P4HA3: variants seen among roughly 807,000 people sequenced by gnomAD.
P4HA3 encodes prolyl 4-hydroxylase subunit alpha-3.
In P4HA3, 60 loss-of-function variants were observed where a neutral mutation model predicts 66.7. The ratio of observed to expected loss-of-function variants is 0.90; its 90% CI spans 0.73 to 1.12. The LOEUF (loss-of-function observed/expected upper bound fraction) is 1.12. Among genes scored for constraint, P4HA3 ranks in the 50% most tolerant of loss-of-function variants. P4HA3 has a pLI of 0.00. For synonymous variants in P4HA3, 263 were observed against 274.6 expected (o/e 0.96, Z 0.42); for missense variants, 683 against 685.8 (o/e 1.00, Z 0.05).
chr11:74,250,661 C>A (rs1470996742), intron 15 of P4HA3: 1 of 312,668 alleles, frequency 3.2e-6, no homozygotes, highest in Non-Finnish European at 5.9e-6. Flanking sequence ...GTGTTTTACT[C>A]CCCTACTGGA....
chr11:74,293,437 C>T (rs1861104030), intron 4 of P4HA3, among the ~76,000 whole-genome samples: 1 of 152,126 alleles, frequency 6.6e-6, no homozygotes, highest in African/African-American at 2.4e-5. Context: ...GAGCATTTAG[C>T]CCATTTACAT....
At position 74,298,339 on chromosome 11, in the gene P4HA3, T is replaced by C; in HGVS notation, c.590A>G (p.Tyr197Cys). 6.2e-7 allele frequency: 1 copy of C among 1,613,824 alleles called. No individual in the cohort carries two copies. Among genetic ancestry groups the C allele is most frequent in the Admixed American group, 1.7e-5 (1 of 60,020 alleles). ...VGKVAYDMGD[Y>C]YHAIPWLEEA... ...CTCCAGCCATGGAATGGCATGGTAATAATCCCCCATGTCATAGGCCACCTA... is the reference window on the plus strand; with the variant it reads ...CTCCAGCCATGGAATGGCATGGTAACAATCCCCCATGTCATAGGCCACCTA... The change falls in exon 4 of 13, where the codon TAT (tyrosine) becomes TGT (cysteine). Residue 197 changes from tyrosine to cysteine, a missense_variant. Physicochemically the swap from Tyr to Cys is radical, Grantham distance 194. Coordinates refer to ENST00000331597, the MANE Select transcript of P4HA3 (RefSeq NM_182904.5).
chr11:74,311,297 G>T, intron 1 of P4HA3, 115 bp downstream of exon 1: 1 of 1,216,186 alleles, frequency 8.2e-7, no homozygotes, highest in Non-Finnish European at 1.1e-6. Context: ...TGGGTCTGGG[G>T]TCCCACGCAG....
chr11:74,273,420 C>A, intron 10 of P4HA3, 125 bp downstream of exon 10: 5 of 869,372 alleles, frequency 5.8e-6, no homozygotes, highest in Admixed American at 7.9e-5. Context: ...CTGAAATTCG[C>A]AAAATTCCTG....
intron 7 of P4HA3, among the ~76,000 whole-genome samples, chr11:74,282,202 T>C (rs1021340487): frequency 2.6e-5 from 4 of 152,070 alleles, no homozygotes; most frequent in Non-Finnish European, 5.9e-5. Context: ...TTATATTTAT[T>C]TCCTGTAACA....
intron 15 of P4HA3, among the ~76,000 whole-genome samples, chr11:74,258,191 T>C (rs1377510135): frequency 1.3e-5 from 2 of 152,042 alleles, no homozygotes; most frequent in African/African-American, 2.4e-5. Flanking sequence ...CTCAAGAGGC[T>C]CCCTTATTCC....
At chr11:74,304,125 T>C in intron 2 of P4HA3, 145 bp downstream of exon 2, 2 of 1,069,838 alleles carry the variant, frequency 1.9e-6, no homozygotes, top group Non-Finnish European at 1.3e-6. Flanking sequence ...GCCTAATTCT[T>C]TGTGCTAGCT....
intron 9 of P4HA3, among the ~76,000 whole-genome samples, chr11:74,275,011 T>C (rs916604767): frequency 1.3e-5 from 2 of 152,150 alleles, no homozygotes; most frequent in Non-Finnish European, 2.9e-5. Flanking sequence ...TAACTTTCTG[T>C]CCATTAAAAA....
intron 15 of P4HA3, chr11:74,253,735 G>C (rs2135689780): frequency 1.6e-6 from 1 of 607,222 alleles, no homozygotes; most frequent in Non-Finnish European, 2.9e-6. Flanking sequence ...GGGCTCCCCT[G>C]CTCCTTTCCC....
At chr11:74,303,143 C>CA in intron 2 of P4HA3, among the ~76,000 whole-genome samples, 1 of 152,142 alleles carries the variant, frequency 6.6e-6, no homozygotes, top group South Asian at 2.1e-4. Flanking sequence ...TTTGTAGAGA[C>CA]AGGGTCTTGC....
At chr11:74,266,062 G>A (rs1475782580), downstream of P4HA3, among the ~76,000 whole-genome samples, 3 of 152,276 alleles carry the variant, frequency 2.0e-5, no homozygotes, top group East Asian at 3.9e-4. Context: ...ATGAAAAGAG[G>A]TCAGCAGTGG....
At chr11:74,308,096 C>T (rs1231829379) in intron 1 of P4HA3, among the ~76,000 whole-genome samples, 5 of 152,056 alleles carry the variant, frequency 3.3e-5, no homozygotes, top group Non-Finnish European at 7.4e-5. Flanking sequence ...GTTTCAACCT[C>T]AAGAATACTG....
At chr11:74,299,941 T>A (rs1861354048) in intron 3 of P4HA3, among the ~76,000 whole-genome samples, 2 of 152,170 alleles carry the variant, frequency 1.3e-5, no homozygotes, top group South Asian at 4.1e-4. Context: ...GGAGAAAAGG[T>A]AGACCAGAAA....
chr11:74,253,850 C>G (rs533775571), intron 15 of P4HA3: 12 of 445,426 alleles, frequency 2.7e-5, no homozygotes, highest in East Asian at 7.6e-5. Flanking sequence ...GGCGATACAT[C>G]TGAGTTCAAA....
chr11:74,290,505 A>G (rs1860975875), intron 4 of P4HA3, among the ~76,000 whole-genome samples: 1 of 151,358 alleles, frequency 6.6e-6, no homozygotes, highest in African/African-American at 2.4e-5. Flanking sequence ...TGTTTTAGAC[A>G]TTAAGTCCTT....
chr11:74,286,191 G>C (rs1456940594), intron 6 of P4HA3, 37 bp downstream of exon 6: 10 of 1,599,876 alleles, frequency 6.3e-6, no homozygotes, highest in Non-Finnish European at 8.5e-6. Context: ...ACTCTAGCCA[G>C]GCCTCTCCCC....
chr11:74,266,302 T>C (rs1477733149), downstream of P4HA3, among the ~76,000 whole-genome samples: 1 of 152,192 alleles, frequency 6.6e-6, no homozygotes, highest in African/African-American at 2.4e-5. Flanking sequence ...TACCAAAATC[T>C]ACAGATGTTC....
At chr11:74,282,612 T>C (rs139053909) in intron 7 of P4HA3, among the ~76,000 whole-genome samples, 6,040 of 152,204 alleles carry the variant, frequency 0.04, 125 homozygotes, top group Middle Eastern at 0.11. Flanking sequence ...AGTGACCCAG[T>C]GAAGAGTTTC....
chr11:74,300,381 AG>A (rs1298556000), intron 3 of P4HA3, among the ~76,000 whole-genome samples: 1 of 152,250 alleles, frequency 6.6e-6, no homozygotes, highest in Non-Finnish European at 1.5e-5. Flanking sequence ...CTGTAATCCC[AG>A]CACTTTGGGA....
Sources: gnomAD v4.1 joint callset for allele counts (sites outside exome capture counted in the v4.1 genomes callset) on GRCh38, gnomAD v4.1.1 for gene constraint, MANE v1.5 for transcripts, NCBI Gene and HGNC (gene_info 2026-07-23, HGNC 2026-07-21) for gene names.